RNF6: variants seen among roughly 807,000 people sequenced by gnomAD.
RNF6 encodes the protein E3 ubiquitin-protein ligase RNF6.
RNF6 carries 21 observed loss-of-function variants against 50.1 expected under a neutral mutation model. The ratio of observed to expected loss-of-function variants is 0.42; its 90% CI spans 0.30 to 0.60. RNF6 has a LOEUF of 0.60. RNF6 is among the 20% of genes least tolerant of loss of function. The probability of loss-of-function intolerance (pLI) is 0.20; values close to 1 mark genes in which losing one functional copy is unlikely to be tolerated. For missense variants in RNF6, 698 were observed against 838.2 expected (o/e 0.83, Z 2.07); for synonymous variants, 255 against 291.8 (o/e 0.87, Z 1.29).
In RNF6 at chr13:26,213,771, T is replaced by C. The variant is rs1400472123; in HGVS notation, c.*53A>G. On this transcript the variant is annotated 3_prime_UTR_variant, in exon 5 of 5. Transcript: ENST00000381588. ...AATCACAAATAACTCAGCAAAACAA[T>C]GCTTGAACATTCAGTTCTACTAAAA... The C allele has an allele frequency of 7.0e-7, 1 of 1,421,828 alleles. No individual in the cohort carries two copies. Among genetic ancestry groups the C allele is most frequent in the African/African-American group, 1.4e-5 (1 of 70,202 alleles). 88.1% of individuals were successfully genotyped at this position (1,421,828 alleles called of 1,614,324 possible).
chr13:26,184,225 G>T (rs1873406090), intron 5 of RNF6, among the ~76,000 whole-genome samples: 1 of 151,480 alleles, frequency 6.6e-6, no homozygotes, highest in Admixed American at 6.6e-5. Context: ...CAGAGACGGG[G>T]TTCCACCCTG....
intron 5 of RNF6, among the ~76,000 whole-genome samples, chr13:26,192,790 G>A (rs1390667308): frequency 6.6e-6 from 1 of 152,184 alleles, no homozygotes; most frequent in African/African-American, 2.4e-5. Context: ...GTCTTTCTCA[G>A]TCGAGCCTTC....
chr13:26,186,341 G>A (rs1293920070), intron 5 of RNF6, among the ~76,000 whole-genome samples: 1 of 152,258 alleles, frequency 6.6e-6, no homozygotes, highest in Non-Finnish European at 1.5e-5. Context: ...CAGACCGGGA[G>A]GCCAGTGCGT....
At chr13:26,197,586 T>G (rs1445493801) in intron 5 of RNF6, among the ~76,000 whole-genome samples, 1 of 151,846 alleles carries the variant, frequency 6.6e-6, no homozygotes, top group Non-Finnish European at 1.5e-5. Flanking sequence ...CTACTTGCTC[T>G]CCCTCCCTAC....
chr13:26,172,061 A>C (rs1872718866), intron 5 of RNF6, among the ~76,000 whole-genome samples: 1 of 152,208 alleles, frequency 6.6e-6, no homozygotes, highest in South Asian at 2.1e-4. Context: ...TAAAATGGGA[A>C]ATTTTATGTA....
intron 5 of RNF6, among the ~76,000 whole-genome samples, chr13:26,142,052 T>C (rs1249104493): frequency 6.6e-6 from 1 of 151,904 alleles, no homozygotes; most frequent in African/African-American, 2.4e-5. Context: ...AATAACCCCA[T>C]TAAAACGTGG....
chr13:26,133,997 T>C (rs551571514), intron 5 of RNF6, among the ~76,000 whole-genome samples: 9 of 152,346 alleles, frequency 5.9e-5, no homozygotes, highest in Admixed American at 3.9e-4. Context: ...TCCTCTGACA[T>C]ACCTCCAACA....
chr13:26,164,540 G>C (rs920291626), intron 5 of RNF6, among the ~76,000 whole-genome samples: 9 of 151,752 alleles, frequency 5.9e-5, no homozygotes, highest in African/African-American at 2.2e-4. Context: ...ATCTACTAAG[G>C]TCTTTAAAAA....
intron 5 of RNF6, among the ~76,000 whole-genome samples, chr13:26,173,843 C>A (rs301054): frequency 1.3e-5 from 2 of 149,858 alleles, no homozygotes; most frequent in Admixed American, 1.3e-4. Context: ...CCTAGCTACT[C>A]GGGAGGCTGA....
chr13:26,143,633 A>T (rs1871075664), intron 5 of RNF6, among the ~76,000 whole-genome samples: 1 of 152,142 alleles, frequency 6.6e-6, no homozygotes, highest in Non-Finnish European at 1.5e-5. Flanking sequence ...GAGAAACAGC[A>T]CCATATATTG....
intron 2 of RNF6, among the ~76,000 whole-genome samples, chr13:26,220,745 TACA>T (rs1176664909): frequency 6.6e-6 from 1 of 152,222 alleles, no homozygotes. Flanking sequence ...GTATGAGTAA[TACA>T]GCACCTGACT....
chr13:26,167,930 C>G (rs115221849), intron 5 of RNF6, among the ~76,000 whole-genome samples: 1 of 152,134 alleles, frequency 6.6e-6, no homozygotes, highest in Non-Finnish European at 1.5e-5. Flanking sequence ...TTATCCTTAG[C>G]AAACTAACAC....
chr13:26,176,712 C>T (rs1872972782), intron 5 of RNF6, among the ~76,000 whole-genome samples: 1 of 152,224 alleles, frequency 6.6e-6, no homozygotes, highest in African/African-American at 2.4e-5. Flanking sequence ...GCAGGTGGAA[C>T]ACCTGAGGTC....
intron 5 of RNF6, among the ~76,000 whole-genome samples, chr13:26,187,925 A>G (rs1873634264): frequency 6.6e-6 from 1 of 152,206 alleles, no homozygotes; most frequent in Non-Finnish European, 1.5e-5. Context: ...CCTGAAGTGT[A>G]AAGCACACTG....
Position 26,214,655 on chromosome 13 carries a change from T to C in RNF6, c.1227A>G (p.Gly409=), listed in dbSNP as rs1414378707. Residue 409 remains glycine, a synonymous_variant, in exon 5 of 5, where the codon GGA becomes GGG. Coordinates refer to ENST00000381588, the MANE Select transcript of RNF6 (RefSeq NM_005977.4). ...LDLQVRRIRP[G]ENRDRDSIAN... ...CAATACTATCCCGATCTCTATTTTC[T>C]CCAGGACGGATCCTTCTCACTTGAA... The C allele has an allele frequency of 1.2e-6, 2 of 1,614,248 alleles. No homozygotes were observed. The highest frequency in any genetic ancestry group is 1.7e-6 in the Non-Finnish European group (2 of 1,180,044).
At chr13:26,219,690 A>T (rs1448263252) in intron 2 of RNF6, 23 bp from the exon 3 acceptor site, 1 of 1,590,256 alleles carries the variant, frequency 6.3e-7, no homozygotes, top group Admixed American at 1.7e-5. Flanking sequence ...TATAAACAAC[A>T]TTCAAGGTGT....
intron 5 of RNF6, among the ~76,000 whole-genome samples, chr13:26,174,602 C>CA (rs201842778): frequency 9.4e-4 from 140 of 149,720 alleles, no homozygotes; most frequent in African/African-American, 2.7e-3. Flanking sequence ...GGCGGAGACT[C>CA]AAAAAAAAGA....
At chr13:26,158,883 A>C (rs988396127) in intron 5 of RNF6, among the ~76,000 whole-genome samples, 2 of 152,056 alleles carry the variant, frequency 1.3e-5, no homozygotes, top group Non-Finnish European at 2.9e-5. Flanking sequence ...TCCTATTTGA[A>C]CTTCTTTTCT....
At chr13:26,132,472 G>T in intron 5 of RNF6, 1 of 457,022 alleles carries the variant, frequency 2.2e-6, no homozygotes, top group South Asian at 1.6e-5. Context: ...AAACCAAAGA[G>T]AGAAAAATAA....
Sources: gnomAD v4.1 joint callset for allele counts (sites outside exome capture counted in the v4.1 genomes callset) on GRCh38, gnomAD v4.1.1 for gene constraint, MANE v1.5 for transcripts, NCBI Gene and HGNC (gene_info 2026-07-23, HGNC 2026-07-21) for gene names.